MDGA2: variants seen among roughly 807,000 people sequenced by gnomAD.
MDGA2 encodes the protein MAM domain-containing glycosylphosphatidylinositol anchor protein 2.
In MDGA2, 40 loss-of-function variants were observed where a neutral mutation model predicts 117.8. The observed-to-expected ratio is 0.34, with a 90% CI of 0.26 to 0.44. The LOEUF (loss-of-function observed/expected upper bound fraction) is 0.44, where lower values mean the gene tolerates loss of function less well. MDGA2 is among the 20% of genes least tolerant of loss of function. The pLI, the probability that MDGA2 is intolerant of heterozygous loss-of-function variation, is 1.00. For missense variants in MDGA2, 1,123 were observed against 1,250.6 expected (o/e 0.90, Z 1.54); for synonymous variants, 452 against 439.0 (o/e 1.03, Z -0.37).
intron 1 of MDGA2, among the ~76,000 whole-genome samples, chr14:47,331,303 G>T (rs997621153): frequency 1.6e-4 from 25 of 151,788 alleles, no homozygotes; most frequent in African/African-American, 5.8e-4. Context: ...CAAATGCTGA[G>T]ATTAGAAAGA....
chr14:46,982,734 A>AAAAAAAAAAAAT lies in MDGA2; in HGVS notation c.1820-25092_1820-25091insATTTTTTTTTTT, dbSNP rs1449356596. Among the ~76,000 whole-genome samples, 832 of 130,318 alleles carry AAAAAAAAAAAAT rather than the reference A, an allele frequency of 6.4e-3. 11 individuals carry two copies. The highest frequency in any genetic ancestry group is 0.011 in the Non-Finnish European group (640 of 59,162). 85.5% of individuals were successfully genotyped at this position (130,318 alleles called of 152,430 possible). On this transcript the variant is annotated intron_variant, in intron 8 of 16. Transcript: ENST00000399232. Reference sequence around the variant, plus strand: ...AAAAAAAAAAAAAAAAAAAAAAAAAAAATCATGTCATCTGCAACCAGGGAC... The same window carrying AAAAAAAAAAAAT: ...AAAAAAAAAAAAAAAAAAAAAAAAAAAAAAAAAAAAATAATCATGTCATCTGCAACCAGGGAC...
At chr14:47,639,227 CCT>C (rs910194663) in intron 1 of MDGA2, among the ~76,000 whole-genome samples, 4 of 151,690 alleles carry the variant, frequency 2.6e-5, no homozygotes, top group African/African-American at 7.3e-5. Context: ...TCTATTTTAC[CCT>C]CTTAGAATGT....
chr14:46,906,568 G>T (rs1199592263), intron 10 of MDGA2, among the ~76,000 whole-genome samples: 1 of 152,002 alleles, frequency 6.6e-6, no homozygotes, highest in South Asian at 2.1e-4. Context: ...TTTAAAATTT[G>T]GTAAGATTTC....
chr14:47,627,251 T>C (rs902091307), intron 1 of MDGA2, among the ~76,000 whole-genome samples: 1 of 152,056 alleles, frequency 6.6e-6, no homozygotes, highest in Non-Finnish European at 1.5e-5. Flanking sequence ...GTCTAGTTAA[T>C]CTGGTGGGGA....
chr14:47,470,190 C>A (rs963361373), intron 1 of MDGA2, among the ~76,000 whole-genome samples: 1 of 151,592 alleles, frequency 6.6e-6, no homozygotes, highest in Non-Finnish European at 1.5e-5. Context: ...TAGGTATACA[C>A]GTGCCACGGC....
At chr14:47,195,993 G>C (rs1161793752) in intron 3 of MDGA2, among the ~76,000 whole-genome samples, 1 of 151,872 alleles carries the variant, frequency 6.6e-6, no homozygotes, top group Non-Finnish European at 1.5e-5. Flanking sequence ...CAGGCATTTA[G>C]TCATATATAC....
intron 5 of MDGA2, among the ~76,000 whole-genome samples, chr14:47,124,813 A>G (rs1434706002): frequency 2.0e-5 from 3 of 152,118 alleles, no homozygotes; most frequent in Non-Finnish European, 4.4e-5. Context: ...TTATATGAAG[A>G]CACAGCAAGA....
At chr14:46,872,893 A>G (rs970280906) in intron 14 of MDGA2, among the ~76,000 whole-genome samples, 12 of 151,846 alleles carry the variant, frequency 7.9e-5, no homozygotes, top group African/African-American at 2.9e-4. Flanking sequence ...TTACTGTACA[A>G]GGTCTCAAGG....
intron 1 of MDGA2, among the ~76,000 whole-genome samples, chr14:47,550,453 C>T (rs537141797): frequency 1.9e-4 from 29 of 152,222 alleles, no homozygotes; most frequent in African/African-American, 7.0e-4. Context: ...ATATAAAAGC[C>T]ATACTCTATA....
intron 6 of MDGA2, among the ~76,000 whole-genome samples, chr14:47,087,573 C>T (rs1350644279): frequency 6.6e-6 from 1 of 151,116 alleles, no homozygotes; most frequent in Non-Finnish European, 1.5e-5. Flanking sequence ...AACCAAAGGC[C>T]TATTTACATA....
rs567358611 is a variant in MDGA2, at chr14:47,083,025, C to T, written c.1195+13829G>A. Among the ~76,000 whole-genome samples, 6 of 151,934 alleles carry T rather than the reference C, an allele frequency of 3.9e-5. No homozygotes were observed. The South Asian group carries it at 1.0e-3, about 26-fold the overall frequency. ...GATGGAACAATAAGCAATTTGTAGA[C>T]TGAAGCACAGATGGAGAAGAACAAG... On this transcript the variant is annotated intron_variant, in intron 6 of 16. Coordinates refer to ENST00000399232, the MANE Select transcript of MDGA2 (RefSeq NM_001113498.3).
chr14:47,069,223 T>C (rs1001372550), intron 6 of MDGA2, among the ~76,000 whole-genome samples: 2 of 152,238 alleles, frequency 1.3e-5, no homozygotes, highest in African/African-American at 2.4e-5. Flanking sequence ...AGATTAGTAA[T>C]GATCTCCTAA....
At chr14:47,385,199 T>C (rs1301626951) in intron 1 of MDGA2, among the ~76,000 whole-genome samples, 3 of 152,076 alleles carry the variant, frequency 2.0e-5, no homozygotes, top group Non-Finnish European at 1.5e-5. Flanking sequence ...TTAAGTAAAT[T>C]GCATATTAAG....
At chr14:47,584,004 C>G (rs561385986) in intron 1 of MDGA2, among the ~76,000 whole-genome samples, 5 of 151,772 alleles carry the variant, frequency 3.3e-5, no homozygotes, top group African/African-American at 1.2e-4. Context: ...TGCATTTTCA[C>G]GGTCACAAAG....
intron 10 of MDGA2, among the ~76,000 whole-genome samples, chr14:46,914,225 T>C (rs1883817402): frequency 6.6e-6 from 1 of 152,122 alleles, no homozygotes; most frequent in Non-Finnish European, 1.5e-5. Flanking sequence ...ATTCAAATAA[T>C]CTTTTTCTCT....
intron 16 of MDGA2, among the ~76,000 whole-genome samples, 165 bp from the exon 17 acceptor site, chr14:46,842,184 G>A (rs930992593): frequency 6.6e-6 from 1 of 152,086 alleles, no homozygotes; most frequent in African/African-American, 2.4e-5. Context: ...GCTAAGGGAA[G>A]TGAAAAGGAA....
intron 9 of MDGA2, among the ~76,000 whole-genome samples, chr14:46,938,452 A>C: frequency 6.7e-6 from 1 of 149,360 alleles, no homozygotes; most frequent in Admixed American, 6.8e-5. Flanking sequence ...AGGCAGAAGA[A>C]TCGCCTAAAC....
At chr14:47,540,038 G>A (rs1459974550) in intron 1 of MDGA2, among the ~76,000 whole-genome samples, 1 of 151,570 alleles carries the variant, frequency 6.6e-6, no homozygotes, top group African/African-American at 2.4e-5. Context: ...TTTTTGAGAC[G>A]GAGTCTCGCT....
At chr14:46,941,303 G>A (rs79644620) in intron 9 of MDGA2, among the ~76,000 whole-genome samples, 5,560 of 152,234 alleles carry the variant, frequency 0.037, 355 homozygotes, top group African/African-American at 0.13. Context: ...TAAGACTGTG[G>A]TTATAACCTC....
Sources: allele counts gnomAD v4.1 joint callset (sites outside exome capture counted in the v4.1 genomes callset), GRCh38; gene constraint gnomAD v4.1.1; transcripts MANE v1.5; gene names NCBI Gene and HGNC (gene_info 2026-07-23, HGNC 2026-07-21).